The following LRFN2 variants were observed in gnomAD, a reference collection of about 807,000 sequenced individuals.
LRFN2 encodes the protein leucine rich repeat and fibronectin type III domain containing 2, also known as leucine-rich repeat and fibronectin type-III domain-containing protein 2.
In LRFN2, 18 loss-of-function variants were observed where a neutral mutation model predicts 37.3. The ratio of observed to expected loss-of-function variants is 0.48; its 90% confidence interval spans 0.33 to 0.72. LRFN2 has a LOEUF of 0.72. Ranked by LOEUF, LRFN2 falls within the 30% of genes least tolerant of loss-of-function variation. LRFN2 has a pLI of 0.02. For missense variants in LRFN2, 1,006 were observed against 1,060.7 expected, an observed-to-expected ratio of 0.95 and a Z score of 0.72; for synonymous variants, 556 against 466.6, an observed-to-expected ratio of 1.19 and a Z score of -2.47.
chr6:40,449,096 T>C lies in LRFN2; in HGVS notation c.-18-15965A>G, dbSNP rs572365981. On this transcript the variant is annotated intron_variant, in intron 1 of 2. Coordinates refer to ENST00000338305, the MANE Select transcript of LRFN2 (RefSeq NM_020737.3). ...GTTCTTCCCTAGTAAGAATCCCCAATTGCACATGGTGAATATAGTTAATAA... is the reference window on the plus strand; with the variant it reads ...GTTCTTCCCTAGTAAGAATCCCCAACTGCACATGGTGAATATAGTTAATAA... 6.6e-5 allele frequency among the ~76,000 whole-genome samples: 10 copies of C among 152,332 alleles called. No individual in the cohort carries two copies. The South Asian group carries it at 1.0e-3, about 16-fold the overall frequency.
At position 40,421,036 on chromosome 6, in the gene LRFN2, G is replaced by C. The variant is rs1405145872; in HGVS notation, c.1400+10678C>G. On this transcript the variant is annotated intron_variant, in intron 2 of 2. Coordinates refer to ENST00000338305, the MANE Select transcript of LRFN2 (RefSeq NM_020737.3). Reference sequence around the variant, plus strand: ...ATTAATCCTCCAAACTCTGTTAAAGGCTGAGGGCTGATCCCAGGGTTGGCG... The same window carrying C: ...ATTAATCCTCCAAACTCTGTTAAAGCCTGAGGGCTGATCCCAGGGTTGGCG... 6.6e-5 allele frequency among the ~76,000 whole-genome samples: 10 copies of C among 152,314 alleles called. No homozygotes were observed. The East Asian group carries it at 1.9e-3, about 29-fold the overall frequency.
chr6:40,456,847 C>A (rs566172000), intron 1 of LRFN2, among the ~76,000 whole-genome samples: 58 of 152,282 alleles, frequency 3.8e-4, no homozygotes, highest in African/African-American at 1.2e-3. Context: ...GACACAAGAA[C>A]CAGCCTCAGA....
intron 2 of LRFN2, among the ~76,000 whole-genome samples, chr6:40,426,226 C>T (rs1034165245): frequency 6.6e-6 from 1 of 152,214 alleles, no homozygotes; most frequent in African/African-American, 2.4e-5. Context: ...GATCCACACA[C>T]GATGAGAGCT....
intron 1 of LRFN2, among the ~76,000 whole-genome samples, chr6:40,529,477 T>A (rs182026071): frequency 1.1e-3 from 160 of 152,346 alleles, no homozygotes; most frequent in African/African-American, 3.5e-3. Flanking sequence ...AAGGGAAAAG[T>A]AACTCATCTT....
chr6:40,543,160 T>C (rs2113917414), intron 1 of LRFN2, among the ~76,000 whole-genome samples: 1 of 152,320 alleles, frequency 6.6e-6, no homozygotes, highest in Middle Eastern at 3.4e-3. Context: ...AGACCACAAG[T>C]GTGTTCTCCC....
chr6:40,565,685 T>A (rs906654891), intron 1 of LRFN2, among the ~76,000 whole-genome samples: 1 of 151,536 alleles, frequency 6.6e-6, no homozygotes, highest in African/African-American at 2.4e-5. Context: ...TAGCCATATG[T>A]AGAAAGCTGA....
intron 1 of LRFN2, among the ~76,000 whole-genome samples, chr6:40,580,296 C>T (rs573323999): frequency 6.6e-6 from 1 of 152,314 alleles, no homozygotes; most frequent in East Asian, 1.9e-4. Context: ...TTCTAGCAGA[C>T]TGAGAGCCAG....
chr6:40,534,632 G>A (rs956745117), intron 1 of LRFN2, among the ~76,000 whole-genome samples: 1 of 152,164 alleles, frequency 6.6e-6, no homozygotes, highest in East Asian at 1.9e-4. Context: ...AGACTTGGCT[G>A]AGAAAATACA....
intron 1 of LRFN2, among the ~76,000 whole-genome samples, chr6:40,465,930 G>A (rs549145031): frequency 3.9e-5 from 6 of 152,272 alleles, no homozygotes; most frequent in African/African-American, 1.4e-4. Flanking sequence ...GGTTGTGGGG[G>A]TGGAGACGGT....
At chr6:40,472,590 G>A (rs1764624127) in intron 1 of LRFN2, among the ~76,000 whole-genome samples, 1 of 152,212 alleles carries the variant, frequency 6.6e-6, no homozygotes, top group African/African-American at 2.4e-5. Context: ...CCCCGTGTAA[G>A]CCGAGCTGGA....
At chr6:40,447,239 C>T (rs1763993670) in intron 1 of LRFN2, among the ~76,000 whole-genome samples, 1 of 152,206 alleles carries the variant, frequency 6.6e-6, no homozygotes, top group Non-Finnish European at 1.5e-5. Context: ...GCAAAAGACC[C>T]TACCAACCTT....
chr6:40,433,292 T>G (rs1319466945), intron 1 of LRFN2, among the ~76,000 whole-genome samples, 161 bp from the exon 2 acceptor site: 1 of 152,234 alleles, frequency 6.6e-6, no homozygotes, highest in Non-Finnish European at 1.5e-5. Flanking sequence ...TCTAATGCAG[T>G]TTTACTGTTT....
chr6:40,560,134 C>T (rs544155808), intron 1 of LRFN2, among the ~76,000 whole-genome samples: 1 of 152,340 alleles, frequency 6.6e-6, no homozygotes, highest in South Asian at 2.1e-4. Flanking sequence ...TAATGTCTCA[C>T]ACAATGTGGA....
At chr6:40,485,955 A>T (rs1277231438) in intron 1 of LRFN2, among the ~76,000 whole-genome samples, 1 of 152,252 alleles carries the variant, frequency 6.6e-6, no homozygotes. Flanking sequence ...CAACAGGGAC[A>T]GCTGGAGCTC....
intron 2 of LRFN2, among the ~76,000 whole-genome samples, chr6:40,406,728 G>C (rs1419510571): frequency 2.0e-5 from 3 of 152,208 alleles, no homozygotes; most frequent in African/African-American, 7.2e-5. Flanking sequence ...CAGCTGCCCA[G>C]AACAAGCCTG....
chr6:40,578,282 G>C (rs1767332034), intron 1 of LRFN2, among the ~76,000 whole-genome samples: 1 of 152,094 alleles, frequency 6.6e-6, no homozygotes, highest in Non-Finnish European at 1.5e-5. Flanking sequence ...CCAGCAGTAT[G>C]ATCCCAACAT....
In LRFN2 at chr6:40,495,303, A is replaced by T. The variant is rs117266277; in HGVS notation, c.-18-62172T>A. On this transcript the variant is annotated intron_variant, in intron 1 of 2. Coordinates refer to ENST00000338305, the MANE Select transcript of LRFN2 (RefSeq NM_020737.3). ...TGACCTGCATTTTCTCACTGTCTGG[A>T]TTATCTCACTGAAAAACATGGCTCC... 2.0e-3 allele frequency among the ~76,000 whole-genome samples: 305 copies of T among 152,228 alleles called. 10 individuals are homozygous for T. The East Asian group carries it at 0.051, about 26-fold the overall frequency.
At chr6:40,441,670 G>C (rs570939868) in intron 1 of LRFN2, among the ~76,000 whole-genome samples, 11 of 152,134 alleles carry the variant, frequency 7.2e-5, no homozygotes, top group Non-Finnish European at 1.5e-5. Context: ...AGCTCTCAGC[G>C]TCATTTTAGA....
intron 1 of LRFN2, among the ~76,000 whole-genome samples, chr6:40,554,988 A>T (rs7756354): frequency 0.47 from 72,218 of 152,160 alleles, 18,183 homozygotes; most frequent in African/African-American, 0.64. Context: ...GACCTTTTCC[A>T]TGCATGCTGG....
Sources: allele counts gnomAD v4.1 joint callset (sites outside exome capture counted in the v4.1 genomes callset), GRCh38; gene constraint gnomAD v4.1.1; transcripts MANE v1.5; gene names NCBI Gene and HGNC (gene_info 2026-07-23, HGNC 2026-07-21).